NFIB: variants seen among roughly 807,000 people sequenced by gnomAD.
NFIB encodes nuclear factor 1 B-type.
NFIB carries 11 observed loss-of-function variants against 61.5 expected under a neutral mutation model. That is an observed-to-expected ratio of 0.18 (90% confidence interval 0.11 to 0.30). The LOEUF (loss-of-function observed/expected upper bound fraction) is 0.30. Among genes scored for constraint, NFIB ranks in the 10% least tolerant of loss-of-function variants. The pLI is 1.00. For synonymous variants in NFIB, 260 were observed against 216.5 expected (o/e 1.20, Z -1.76); for missense variants, 471 against 608.9 (o/e 0.77, Z 2.38).
At position 14,120,623 on chromosome 9, in the gene NFIB, G is replaced by A. The variant is rs766038266; in HGVS notation, c.1062C>T (p.Val354=). ...GTGGAGGTGGAGTTCGAGTTGAGATGACTGCAGAAGACAGAAAAGGAAAGA... is the reference window on the plus strand; with the variant it reads ...GTGGAGGTGGAGTTCGAGTTGAGATAACTGCAGAAGACAGAAAAGGAAAGA... ...HPGIPGVAHS[V]ISTRTPPPPS... is the part of the protein sequence containing the mutation. Residue 354 remains valine (V), a splice_region_variant and synonymous_variant, in exon 8 of 11, where the codon GTC becomes GTT. Transcript: ENST00000380953. The surrounding 1 kb of genome is among the most constrained non-coding windows in gnomAD (Gnocchi z 4.4). 13 of 1,593,966 alleles carry A rather than the reference G, an allele frequency of 8.2e-6. No individual in the cohort carries two copies. In the South Asian group the frequency reaches 1.1e-4, roughly 14 times the overall value.
intron 2 of NFIB, among the ~76,000 whole-genome samples, chr9:14,194,423 T>C (rs1290427381): frequency 6.6e-6 from 1 of 152,154 alleles, no homozygotes; most frequent in South Asian, 2.1e-4. Flanking sequence ...CTTGACTTTT[T>C]CTCGTAATGG....
chr9:14,404,359 G>C, the NFIB span, among the ~76,000 whole-genome samples: 1 of 152,110 alleles, frequency 6.6e-6, no homozygotes, highest in Non-Finnish European at 1.5e-5. Flanking sequence ...GGGATGCTGT[G>C]GTGAGCAAGA....
At chr9:14,456,209 ATT>A in the NFIB span, among the ~76,000 whole-genome samples, 76 of 148,990 alleles carry the variant, frequency 5.1e-4, no homozygotes, top group East Asian at 1.6e-3. Context: ...ACTACTTGGC[ATT>A]TTTTTTTTTT....
intron 10 of NFIB, among the ~76,000 whole-genome samples, chr9:14,090,369 G>A (rs2033687011): frequency 6.6e-6 from 1 of 152,060 alleles, no homozygotes; most frequent in Non-Finnish European, 1.5e-5. Context: ...TTATTTTTGT[G>A]CTTTGCACCA....
At chr9:14,530,092 A>C in the NFIB span, among the ~76,000 whole-genome samples, 3 of 152,152 alleles carry the variant, frequency 2.0e-5, no homozygotes, top group Non-Finnish European at 2.9e-5. Flanking sequence ...ACTTTTCCCC[A>C]ACAGAAAATG....
chr9:14,301,038 A>T (rs1433622473), intron 2 of NFIB, among the ~76,000 whole-genome samples: 1 of 152,198 alleles, frequency 6.6e-6, no homozygotes, highest in Non-Finnish European at 1.5e-5. Flanking sequence ...CAAGTAAGTA[A>T]ATGAAAAATC....
At chr9:14,406,747 G>T in the NFIB span, among the ~76,000 whole-genome samples, 5 of 152,326 alleles carry the variant, frequency 3.3e-5, no homozygotes, top group East Asian at 9.6e-4. Flanking sequence ...GGTGCACATG[G>T]ACTGTGTCTC....
At chr9:14,248,686 A>T (rs1563942776) in intron 2 of NFIB, among the ~76,000 whole-genome samples, 1 of 152,178 alleles carries the variant, frequency 6.6e-6, no homozygotes, top group Non-Finnish European at 1.5e-5. Context: ...CCTCTCCAAG[A>T]ACAGGCAGGA....
At chr9:14,123,118 G>T (rs548655128) in intron 7 of NFIB, among the ~76,000 whole-genome samples, 1 of 151,690 alleles carries the variant, frequency 6.6e-6, no homozygotes, top group East Asian at 1.9e-4. Context: ...TTAGCTGAGC[G>T]GGGTGGTGAG....
At chr9:14,505,671 T>C in the NFIB span, among the ~76,000 whole-genome samples, 5 of 151,952 alleles carry the variant, frequency 3.3e-5, no homozygotes, top group Non-Finnish European at 7.4e-5. Flanking sequence ...ACCCCTTCTG[T>C]AGGACTTGGT....
chr9:14,150,492 A>G (rs2042746721), intron 4 of NFIB, among the ~76,000 whole-genome samples: 1 of 152,124 alleles, frequency 6.6e-6, no homozygotes, highest in Non-Finnish European at 1.5e-5. Flanking sequence ...ATCACTGGTT[A>G]CCAATTTCCC....
chr9:14,122,069 T>G (rs1207514860), intron 7 of NFIB, among the ~76,000 whole-genome samples: 1 of 151,294 alleles, frequency 6.6e-6, no homozygotes, highest in Non-Finnish European at 1.5e-5. Context: ...ACGATAAATG[T>G]CTAATGTTTT....
intron 2 of NFIB, among the ~76,000 whole-genome samples, chr9:14,250,692 G>A (rs79164921): frequency 6.6e-6 from 1 of 152,224 alleles, no homozygotes; most frequent in East Asian, 1.9e-4. Flanking sequence ...TCATCACCGG[G>A]ATTACAGTAT....
chr9:14,345,763 G>C (rs4469562), intron 1 of NFIB, among the ~76,000 whole-genome samples: 40 of 152,166 alleles, frequency 2.6e-4, no homozygotes, highest in African/African-American at 9.2e-4. Flanking sequence ...AAAGAGTTAA[G>C]AAGCGAGGCG....
At chr9:14,197,007 T>C (rs185464964) in intron 2 of NFIB, among the ~76,000 whole-genome samples, 1 of 152,350 alleles carries the variant, frequency 6.6e-6, no homozygotes, top group Non-Finnish European at 1.5e-5. Flanking sequence ...TTGGTACAAT[T>C]AGATACTGAC....
In NFIB at chr9:14,203,396, T is replaced by C. The variant is rs187750522; in HGVS notation, c.563-23616A>G. ...TGCATAAACCCGGTTAATTGAAAAG[T>C]GGGTGGAGAAGGCTGCCAAATTAAA... On this transcript the variant is annotated intron_variant, in intron 2 of 10. Coordinates refer to ENST00000380953, the MANE Select transcript of NFIB (RefSeq NM_001190737.2). Among the ~76,000 whole-genome samples the C allele has an allele frequency of 2.0e-5, 3 of 152,340 alleles. No homozygotes were observed. The East Asian group carries it at 5.8e-4, about 29-fold the overall frequency.
chr9:14,087,920 A>G lies in NFIB; in HGVS notation c.*389T>C, dbSNP rs2118455437. The G allele has an allele frequency of 4.1e-6, 1 of 245,112 alleles. No homozygotes were observed. The highest frequency in any genetic ancestry group is 5.9e-5 in the East Asian group (1 of 16,976). The allele number at this position is 245,112 out of a possible 1,614,324, so 15.2% of individuals were successfully genotyped here. On this transcript the variant is annotated 3_prime_UTR_variant, in exon 11 of 11. Coordinates refer to ENST00000380953, the MANE Select transcript of NFIB (RefSeq NM_001190737.2). ...TCAGTTAAAATATATTGTCATAGAG[A>G]CAGAACATCTATTTCCCAGCGGACT...
chr9:14,164,198 T>C (rs997625124), intron 3 of NFIB, among the ~76,000 whole-genome samples: 4 of 151,680 alleles, frequency 2.6e-5, no homozygotes, highest in African/African-American at 9.7e-5. Context: ...CCATGCCTGA[T>C]TAAGGGAAAA....
intron 2 of NFIB, among the ~76,000 whole-genome samples, chr9:14,189,985 C>G (rs2131545207): frequency 6.6e-6 from 1 of 152,170 alleles, no homozygotes; most frequent in East Asian, 1.9e-4. Flanking sequence ...GTGATTGACT[C>G]AATGACCAAA....
Sources: allele counts gnomAD v4.1 joint callset (sites outside exome capture counted in the v4.1 genomes callset), GRCh38; gene constraint gnomAD v4.1.1; non-coding constraint Gnocchi (gnomAD v3.1); transcripts MANE v1.5; gene names NCBI Gene and HGNC (gene_info 2026-07-23, HGNC 2026-07-21).